TMEM65: variants seen among roughly 807,000 people sequenced by gnomAD.
TMEM65 encodes transmembrane protein 65.
In TMEM65, 22 loss-of-function variants were observed where a neutral mutation model predicts 25.4. That is an observed-to-expected ratio of 0.86 (90% CI 0.62 to 1.23). TMEM65 has a LOEUF of 1.23. Ranked by LOEUF, TMEM65 falls within the 50% of genes most tolerant of loss-of-function variation. The pLI, the probability that TMEM65 is intolerant of heterozygous loss-of-function variation, is 0.00. For synonymous variants in TMEM65, 132 were observed against 126.2 expected (o/e 1.05, Z -0.31); for missense variants, 262 against 308.2 (o/e 0.85, Z 1.12).
intron 1 of TMEM65, among the ~76,000 whole-genome samples, chr8:124,336,825 A>T (rs1334523352): frequency 1.3e-5 from 2 of 151,976 alleles, no homozygotes; most frequent in Non-Finnish European, 2.9e-5. Context: ...CAGAAAGCAA[A>T]CAATAAAGAG....
chr8:124,324,459 AAC>A (rs1047993893), intron 3 of TMEM65, among the ~76,000 whole-genome samples: 14 of 152,200 alleles, frequency 9.2e-5, no homozygotes, highest in African/African-American at 3.1e-4. Flanking sequence ...TACCCCAAGA[AAC>A]AGATTTCTGA....
chr8:124,361,792 C>T (rs530286910), intron 1 of TMEM65, among the ~76,000 whole-genome samples: 1 of 151,184 alleles, frequency 6.6e-6, no homozygotes. Flanking sequence ...GCGGAGATTG[C>T]GCCACTGCAC....
rs1343815610 is a variant in TMEM65, at chr8:124,363,859, A to AC, written c.304+7994_304+7995insG. Among the ~76,000 whole-genome samples, 400 of 149,992 alleles carry AC rather than the reference A, an allele frequency of 2.7e-3. 6 individuals carry two copies. The highest frequency in any genetic ancestry group is 9.5e-3 in the African/African-American group (387 of 40,530). ...CTCAAAAAAAAAAAAAAAAAAAAAAAAAAAAAAACAAGAAGTATCAACAAC... is the reference window on the plus strand; with the variant it reads ...CTCAAAAAAAAAAAAAAAAAAAAAAACAAAAAAAACAAGAAGTATCAACAAC... On this transcript the variant is annotated intron_variant, in intron 1 of 6. Coordinates refer to ENST00000297632, the MANE Select transcript of TMEM65 (RefSeq NM_194291.3).
intron 1 of TMEM65, among the ~76,000 whole-genome samples, chr8:124,348,067 T>C (rs1814661298): frequency 6.6e-6 from 1 of 151,946 alleles, no homozygotes; most frequent in African/African-American, 2.4e-5. Context: ...TAGCCGGGAT[T>C]ACAGGCAGTA....
chr8:124,330,647 A>T (rs1192870183), intron 2 of TMEM65, 101 bp downstream of exon 2: 3 of 1,174,238 alleles, frequency 2.6e-6, no homozygotes, highest in African/African-American at 1.6e-5. Flanking sequence ...CTATCTGGAA[A>T]GATTTAATTT....
At chr8:124,336,696 C>T (rs951560336) in intron 1 of TMEM65, among the ~76,000 whole-genome samples, 1 of 151,832 alleles carries the variant, frequency 6.6e-6, no homozygotes, top group South Asian at 2.1e-4. Context: ...GGGAAATTTA[C>T]AGTTTGAAAT....
chr8:124,319,723 A>T (rs1189562882), intron 6 of TMEM65, among the ~76,000 whole-genome samples: 1 of 151,992 alleles, frequency 6.6e-6, no homozygotes, highest in Non-Finnish European at 1.5e-5. Flanking sequence ...TACATAATTC[A>T]TTACTGCATA....
chr8:124,346,097 G>A (rs560901917), intron 1 of TMEM65, among the ~76,000 whole-genome samples: 4 of 152,320 alleles, frequency 2.6e-5, no homozygotes, highest in African/African-American at 9.6e-5. Context: ...AAGCCTTCAG[G>A]AAACTTAAAA....
Position 124,307,712 on chromosome 8 carries a change from G to A in TMEM65, c.*6248C>T, listed in dbSNP as rs1460797816. ...AGCAAAGGATGGCTTGATAATATTA[G>A]AAAGAAGTTTGGCTTTAAAAATGTT... On this transcript the variant is annotated 3_prime_UTR_variant, in exon 7 of 7. Coordinates refer to ENST00000297632, the MANE Select transcript of TMEM65 (RefSeq NM_194291.3). 6.6e-6 allele frequency: 1 copy of A among 152,092 alleles called. No homozygotes were observed. Among genetic ancestry groups the A allele is most frequent in the Non-Finnish European group, 1.5e-5 (1 of 68,020 alleles). The allele number at this position is 152,092 out of a possible 1,614,324, so 9.4% of individuals were successfully genotyped here.
chr8:124,363,694 G>A (rs977553265), intron 1 of TMEM65, among the ~76,000 whole-genome samples: 4 of 151,634 alleles, frequency 2.6e-5, no homozygotes, highest in Admixed American at 6.6e-5. Flanking sequence ...AAAATTAGCC[G>A]GGCGTAGTGG....
chr8:124,362,773 T>C (rs1010124273), intron 1 of TMEM65, among the ~76,000 whole-genome samples: 2 of 152,130 alleles, frequency 1.3e-5, no homozygotes, highest in African/African-American at 4.8e-5. Context: ...GGTAATATAC[T>C]AATACAAAAG....
chr8:124,353,539 T>C (rs189226921), intron 1 of TMEM65, among the ~76,000 whole-genome samples: 320 of 152,220 alleles, frequency 2.1e-3, no homozygotes, highest in Non-Finnish European at 3.2e-3. Flanking sequence ...AACATCCTAA[T>C]AGTTATGAGC....
intron 1 of TMEM65, among the ~76,000 whole-genome samples, chr8:124,333,417 T>C (rs1814460091): frequency 6.6e-6 from 1 of 152,078 alleles, no homozygotes; most frequent in African/African-American, 2.4e-5. Context: ...TCCAATGTTT[T>C]ATTAAATCAA....
In TMEM65 at chr8:124,350,475, T is replaced by TCA. The variant is rs1201682859; in HGVS notation, c.305-19684_305-19683insTG. On this transcript the variant is annotated intron_variant, in intron 1 of 6. Transcript: ENST00000297632. ...CTCTCTCTCTTTCCCTCTCTCTCTCTCTCACACACACACACACACACACAC... is the reference window on the plus strand; with the variant it reads ...CTCTCTCTCTTTCCCTCTCTCTCTCTCACTCACACACACACACACACACACAC... Among the ~76,000 whole-genome samples, 64 of 82,324 alleles carry TCA rather than the reference T, an allele frequency of 7.8e-4. 1 individual carries two copies. Among genetic ancestry groups the TCA allele is most frequent in the Admixed American group, 1.9e-3 (11 of 5,920 alleles). The allele number at this position is 82,324 out of a possible 152,430, so 54.0% of individuals were successfully genotyped here. A position where few individuals can be genotyped will look rare whatever the true frequency, so the allele number is the denominator to read the frequency against.
chr8:124,311,852 T>C lies in TMEM65; in HGVS notation c.*2108A>G, dbSNP rs999048429. 1 of 152,396 alleles carries C rather than the reference T, an allele frequency of 6.6e-6. No homozygotes were observed. Among genetic ancestry groups the C allele is most frequent in the Admixed American group, 6.6e-5 (1 of 15,260 alleles). 9.4% of individuals were successfully genotyped at this position (152,396 alleles called of 1,614,324 possible). On this transcript the variant is annotated 3_prime_UTR_variant, in exon 7 of 7. Transcript: ENST00000297632. Reference sequence around the variant, plus strand: ...TATGCCCATAAATTAAAATTATCTTTCAATGTGAAGGTTATATATTTTGAC... The same window carrying C: ...TATGCCCATAAATTAAAATTATCTTCCAATGTGAAGGTTATATATTTTGAC...
chr8:124,365,706 A>T lies in TMEM65; in HGVS notation c.304+6148T>A, dbSNP rs372593870. Among the ~76,000 whole-genome samples the T allele has an allele frequency of 2.0e-5, 3 of 152,326 alleles. No homozygotes were observed. The South Asian group carries it at 6.2e-4, about 32-fold the overall frequency. On this transcript the variant is annotated intron_variant, in intron 1 of 6. Coordinates refer to ENST00000297632, the MANE Select transcript of TMEM65 (RefSeq NM_194291.3). ...TTATAATAGGGAGGCAAAAAGGTCA[A>T]TGAGGGAGCAGAGATTTTAGTGATG...
chr8:124,347,947 A>G (rs1301573800), intron 1 of TMEM65, among the ~76,000 whole-genome samples: 1 of 148,628 alleles, frequency 6.7e-6, no homozygotes, highest in African/African-American at 2.5e-5. Context: ...CTGGAATGCA[A>G]TGGCGTGATC....
At chr8:124,339,630 C>A (rs111670542) in intron 1 of TMEM65, among the ~76,000 whole-genome samples, 1,829 of 152,108 alleles carry the variant, frequency 0.012, 21 homozygotes, top group Non-Finnish European at 0.019. Context: ...GCACATTGAT[C>A]CCTCTGATTT....
At chr8:124,343,485 A>AGAAT in intron 1 of TMEM65, among the ~76,000 whole-genome samples, 1 of 152,266 alleles carries the variant, frequency 6.6e-6, no homozygotes, top group Middle Eastern at 3.4e-3. Flanking sequence ...AAAAAGACCT[A>AGAAT]GAATGACTGC....
Sources: allele counts gnomAD v4.1 joint callset (sites outside exome capture counted in the v4.1 genomes callset), GRCh38; gene constraint gnomAD v4.1.1; transcripts MANE v1.5; gene names NCBI Gene and HGNC (gene_info 2026-07-23, HGNC 2026-07-21).